HMCN2: variants seen among roughly 807,000 people sequenced by gnomAD.
The protein encoded by HMCN2 is hemicentin-2.
A neutral mutation model predicts 377.5 loss-of-function variants in HMCN2; 325 were observed. That is an observed-to-expected ratio of 0.86 (90% CI 0.79 to 0.94). The LOEUF (loss-of-function observed/expected upper bound fraction) is 0.94, where lower values mean the gene tolerates loss of function less well. Ranked by LOEUF, HMCN2 falls within the 40% of genes least tolerant of loss-of-function variation. The pLI is 0.00. For synonymous variants in HMCN2, 2,007 were observed against 2,046.8 expected, an observed-to-expected ratio of 0.98 and a Z score of 0.53; for missense variants, 4,543 against 4,725.3, an observed-to-expected ratio of 0.96 and a Z score of 1.13.
intron 15 of HMCN2, among the ~76,000 whole-genome samples, chr9:130,314,117 A>G (rs1453848771): frequency 6.6e-6 from 1 of 152,188 alleles, no homozygotes; most frequent in Admixed American, 6.5e-5. Flanking sequence ...CTCTCATTTC[A>G]GTCCCTGCTT....
chr9:130,396,070 G>T lies in HMCN2; in HGVS notation c.11053+5G>T. ...CCTTCCGCGTGGAGATCCACAGTGA[G>T]TAGGGCCCGCCCCACCCCACCCTGC... is the stretch of plus-strand genomic sequence containing the variant. On this transcript the variant is annotated splice_donor_5th_base_variant and intron_variant, in intron 72 of 97. Coordinates refer to ENST00000683500, the MANE Select transcript of HMCN2 (RefSeq NM_001291815.2). The T allele has an allele frequency of 7.8e-7, 1 of 1,274,438 alleles. No individual in the cohort carries two copies. Among genetic ancestry groups the T allele is most frequent in the South Asian group, 1.3e-5 (1 of 79,074 alleles). The allele number at this position is 1,274,438 out of a possible 1,614,324, so 78.9% of individuals were successfully genotyped here.
chr9:130,353,733 T>A (rs1329046043), intron 31 of HMCN2, among the ~76,000 whole-genome samples: 1 of 152,166 alleles, frequency 6.6e-6, no homozygotes, highest in Non-Finnish European at 1.5e-5. Flanking sequence ...CAGATCTGAC[T>A]CCAGACCTCA....
intron 3 of HMCN2, among the ~76,000 whole-genome samples, chr9:130,285,561 C>T (rs1182115384): frequency 6.6e-6 from 1 of 152,212 alleles, no homozygotes; most frequent in African/African-American, 2.4e-5. Flanking sequence ...GCAGCTTGTT[C>T]CTGTTGGAGA....
Position 130,303,294 on chromosome 9 carries a change from G to A in HMCN2, c.1422-193G>A, listed in dbSNP as rs1554935226. ...AGGATGGGAGCCCAGGACTCAGAGAGAGGAAGGGCCTGACTCCAAGTCACA... is the reference window on the plus strand; with the variant it reads ...AGGATGGGAGCCCAGGACTCAGAGAAAGGAAGGGCCTGACTCCAAGTCACA... On this transcript the variant is annotated intron_variant, in intron 9 of 97. Coordinates refer to ENST00000683500, the MANE Select transcript of HMCN2 (RefSeq NM_001291815.2). This position sits in a 1 kb window ranked among gnomAD's most constrained non-coding sequence, Gnocchi z 5.2. Among the ~76,000 whole-genome samples the A allele has an allele frequency of 1.3e-5, 2 of 152,250 alleles. No individual in the cohort carries two copies. Among genetic ancestry groups the A allele is most frequent in the Non-Finnish European group, 2.9e-5 (2 of 68,040 alleles).
intron 51 of HMCN2, 96 bp from the exon 52 acceptor site, chr9:130,376,420 G>A (rs898506437): frequency 6.5e-5 from 13 of 200,990 alleles, no homozygotes; most frequent in South Asian, 5.1e-4. Flanking sequence ...CTCTTGGGCC[G>A]GCCCCCATTT....
At chr9:130,362,591 C>T (rs148900129) in intron 39 of HMCN2, among the ~76,000 whole-genome samples, 203 of 152,332 alleles carry the variant, frequency 1.3e-3, no homozygotes, top group African/African-American at 4.7e-3. Flanking sequence ...TCAATTTGGC[C>T]TGGCCACATT....
chr9:130,432,538 G>T lies in HMCN2; in HGVS notation c.14877G>T (p.Arg4959=). The change falls in exon 97 of 98, where the codon CGG becomes CGT. Residue 4959 remains arginine (R), a synonymous_variant. Coordinates refer to ENST00000683500, the MANE Select transcript of HMCN2 (RefSeq NM_001291815.2). ...ACACACCCTGTCCTGCCACCTACCG[G>T]CAGGGCCCCAGCCCTGGGTAAGGGC... is the stretch of plus-strand genomic sequence containing the variant. ...CVDTPCPATY[R]QGPSPGTCFR... is the part of the protein sequence containing the mutation. 6.4e-7 allele frequency: 1 copy of T among 1,550,534 alleles called. No individual in the cohort carries two copies. The highest frequency in any genetic ancestry group is 8.7e-7 in the Non-Finnish European group (1 of 1,147,002).
intron 66 of HMCN2, among the ~76,000 whole-genome samples, chr9:130,392,705 G>C (rs1842379400): frequency 6.6e-6 from 1 of 151,994 alleles, no homozygotes. Context: ...CCCAGGTAAA[G>C]AGTTTAAGCA....
rs548728037 is a variant in HMCN2 at position 130,372,278 on chromosome 9, G to T, written c.7238-16G>T. ...GCTCAGAGCCATGCTTGGGGCCCAC[G>T]CCCCTCCCTCCCCAGGTGGCTGGAT... On this transcript the variant is annotated splice_polypyrimidine_tract_variant and intron_variant, in intron 46 of 97. Coordinates refer to ENST00000683500, the MANE Select transcript of HMCN2 (RefSeq NM_001291815.2). 4 of 968,264 alleles carry T rather than the reference G, an allele frequency of 4.1e-6. No individual in the cohort carries two copies. Among genetic ancestry groups the T allele is most frequent in the Non-Finnish European group, 4.9e-6 (4 of 813,892 alleles). The allele number at this position is 968,264 out of a possible 1,614,324, so 60.0% of individuals were successfully genotyped here. A position where few individuals can be genotyped will look rare whatever the true frequency, so the allele number is the denominator to read the frequency against.
chr9:130,382,904 T>C, intron 56 of HMCN2, 38 bp downstream of exon 56: 2 of 974,748 alleles, frequency 2.1e-6, no homozygotes, highest in Non-Finnish European at 2.4e-6. Flanking sequence ...GGGCAGTGGC[T>C]GCTGAGGCCC....
Position 130,372,368 on chromosome 9 carries a change from G to C in HMCN2, c.7312G>C (p.Ala2438Pro). The change falls in exon 47 of 98, where the codon GCT (alanine) becomes CCT (proline). Residue 2438 changes from alanine to proline, a missense_variant. By Grantham distance (27) the Ala-to-Pro change is conservative. Coordinates refer to ENST00000683500, the MANE Select transcript of HMCN2 (RefSeq NM_001291815.2). The part of the protein sequence containing the change: ...GLYSCLASNE[A>P]GEARRNFSVE... ...CTACTCATGCCTGGCAAGCAACGAG[G>C]CTGGGGAGGCACGGAGGAACTTCAG... is the stretch of plus-strand genomic sequence containing the variant. 7 of 985,962 alleles carry C rather than the reference G, an allele frequency of 7.1e-6. No homozygotes were observed. The highest frequency in any genetic ancestry group is 8.4e-6 in the Non-Finnish European group (7 of 830,042). The allele number at this position is 985,962 out of a possible 1,614,324, so 61.1% of individuals were successfully genotyped here. A position where few individuals can be genotyped will look rare whatever the true frequency, so the allele number is the denominator to read the frequency against.
At chr9:130,325,366 G>A (rs1037800661) in intron 19 of HMCN2, among the ~76,000 whole-genome samples, 32 of 152,286 alleles carry the variant, frequency 2.1e-4, no homozygotes, top group African/African-American at 7.2e-4. Context: ...AAAGTGCTGG[G>A]ATTACAGGCA....
intron 80 of HMCN2, among the ~76,000 whole-genome samples, 193 bp from the exon 81 acceptor site, chr9:130,404,676 C>T (rs1715821345): frequency 6.6e-6 from 1 of 152,228 alleles, no homozygotes; most frequent in Non-Finnish European, 1.5e-5. Flanking sequence ...ATGGAATCAC[C>T]GTCACAGCTA....
chr9:130,411,484 C>T (rs1843403554), intron 85 of HMCN2, among the ~76,000 whole-genome samples: 1 of 150,474 alleles, frequency 6.6e-6, no homozygotes, highest in Admixed American at 6.7e-5. Flanking sequence ...CCTGTAATCC[C>T]AGTCATTCAG....
At chr9:130,331,620 T>C (rs1268790783) in intron 22 of HMCN2, among the ~76,000 whole-genome samples, 2 of 152,120 alleles carry the variant, frequency 1.3e-5, no homozygotes, top group Non-Finnish European at 2.9e-5. Flanking sequence ...CTCCCCTCCC[T>C]GGGCCTCAGC....
chr9:130,312,539 C>CCTTTCTTT (rs1187968109), intron 15 of HMCN2, among the ~76,000 whole-genome samples: 76 of 6,604 alleles, frequency 0.012, 4 homozygotes, highest in East Asian at 0.017. Context: ...CTCCCTCCCT[C>CCTTTCTTT]CTTTCTTTCT....
At chr9:130,272,661 A>G (rs1287837346) in intron 1 of HMCN2, among the ~76,000 whole-genome samples, 1 of 151,882 alleles carries the variant, frequency 6.6e-6, no homozygotes, top group African/African-American at 2.4e-5. Flanking sequence ...TGATCCTCCC[A>G]CTTCACCCCC....
intron 12 of HMCN2, among the ~76,000 whole-genome samples, chr9:130,306,481 T>C (rs1836865120): frequency 6.6e-6 from 1 of 152,130 alleles, no homozygotes; most frequent in South Asian, 2.1e-4. Context: ...TCAGGCTGTA[T>C]GGACCTGCGC....
At position 130,271,490 on chromosome 9, in the gene HMCN2, T is replaced by G. The variant is rs1834402023; in HGVS notation, c.259+5353T>G. On this transcript the variant is annotated intron_variant, in intron 1 of 97. Transcript: ENST00000683500. Reference sequence around the variant, plus strand: ...TGTGTTATGATCCTAAACCACTTTATTTTGCTCCTCAAATGTTTCTGACTG... The same window carrying G: ...TGTGTTATGATCCTAAACCACTTTAGTTTGCTCCTCAAATGTTTCTGACTG... 1.3e-5 allele frequency among the ~76,000 whole-genome samples: 2 copies of G among 149,380 alleles called. 1 individual carries two copies. Among genetic ancestry groups the G allele is most frequent in the Non-Finnish European group, 3.0e-5 (2 of 66,492 alleles).
Sources: allele counts gnomAD v4.1 joint callset (sites outside exome capture counted in the v4.1 genomes callset), GRCh38; gene constraint gnomAD v4.1.1; non-coding constraint Gnocchi (gnomAD v3.1); transcripts MANE v1.5; gene names NCBI Gene and HGNC (gene_info 2026-07-23, HGNC 2026-07-21).